Variants in LPP observed in about 807,000 individuals in gnomAD.
LPP encodes LIM domain containing preferred translocation partner in lipoma, also known as lipoma-preferred partner.
In LPP, 38 loss-of-function variants were observed where a neutral mutation model predicts 60.4. The ratio of observed to expected loss-of-function variants is 0.63; its 90% CI spans 0.49 to 0.83. The LOEUF is 0.83. LPP is among the 40% of genes least tolerant of loss of function. The pLI, the probability that LPP is intolerant of heterozygous loss-of-function variation, is 0.00. For missense variants in LPP, 902 were observed against 783.6 expected (o/e 1.15, Z -1.80); for synonymous variants, 328 against 290.8 (o/e 1.13, Z -1.30).
In LPP at chr3:188,760,255, G is replaced by C. The variant is rs760883702; in HGVS notation, c.1383G>C (p.Lys461Asn). The change falls in exon 9 of 12, where the codon AAG becomes AAC. Residue 461 changes from lysine to asparagine, a missense_variant. Coordinates refer to ENST00000617246, the MANE Select transcript of LPP (RefSeq NM_001375462.1). ...LRGQPFYAVEKKAYCEPCYIN... is the reference protein window; with the variant it reads ...LRGQPFYAVENKAYCEPCYIN... ...GGCAGCCATTCTATGCTGTGGAAAA[G>C]AAAGCATACTGCGAGCCCTGCTACA... 6.8e-6 allele frequency: 11 copies of C among 1,614,024 alleles called. No homozygotes were observed. The highest frequency in any genetic ancestry group is 8.5e-6 in the Non-Finnish European group (10 of 1,180,030).
intron 9 of LPP, among the ~76,000 whole-genome samples, chr3:188,846,592 G>C (rs1035657516): frequency 2.0e-5 from 3 of 150,684 alleles, no homozygotes; most frequent in African/African-American, 7.4e-5. Flanking sequence ...GCTGAGGCAG[G>C]AGAATTGCTT....
intron 1 of LPP, among the ~76,000 whole-genome samples, chr3:188,184,842 G>A (rs1242263377): frequency 2.6e-5 from 4 of 152,066 alleles, no homozygotes; most frequent in Admixed American, 6.5e-5. Context: ...GGTTGGGCAG[G>A]GCCTACCAGG....
intron 7 of LPP, among the ~76,000 whole-genome samples, chr3:188,696,404 G>A (rs1485528640): frequency 1.3e-5 from 2 of 151,976 alleles, no homozygotes; most frequent in Admixed American, 6.6e-5. Context: ...ATGCCGAGGC[G>A]GGCAGATCAC....
At chr3:188,203,498 TATAA>T (rs1334530313) in intron 1 of LPP, among the ~76,000 whole-genome samples, 121 of 67,438 alleles carry the variant, frequency 1.8e-3, no homozygotes, top group Non-Finnish European at 2.1e-3. Flanking sequence ...TTTAAATATA[TATAA>T]ATATATATAT....
At chr3:188,769,241 C>A (rs1334248704) in intron 9 of LPP, among the ~76,000 whole-genome samples, 1 of 152,176 alleles carries the variant, frequency 6.6e-6, no homozygotes, top group African/African-American at 2.4e-5. Flanking sequence ...AAGCCTCTCT[C>A]ACTTTAATAG....
chr3:188,849,274 C>T (rs187441037), intron 9 of LPP, among the ~76,000 whole-genome samples: 1 of 151,986 alleles, frequency 6.6e-6, no homozygotes, highest in Admixed American at 6.6e-5. Flanking sequence ...GCTGCAAGGA[C>T]GACTGGGAAA....
At chr3:188,562,249 A>C (rs1439625381) in intron 6 of LPP, 1 of 152,048 alleles carries the variant, frequency 6.6e-6, no homozygotes, top group African/African-American at 2.4e-5. Flanking sequence ...CAAGTGTACC[A>C]GCATCTTTAA....
At chr3:188,526,859 T>C (rs2150217012) in intron 6 of LPP, among the ~76,000 whole-genome samples, 1 of 152,340 alleles carries the variant, frequency 6.6e-6, no homozygotes, top group Admixed American at 6.5e-5. Context: ...GACTCCGTTG[T>C]AATCTTCTAA....
chr3:188,632,671 G>A lies in LPP; in HGVS notation c.1113+22827G>A, dbSNP rs184436951. ...CTGTGACAACATCTGAAAGAATTAA[G>A]CTTTATCCAAGTCACCAGAAAAGGG... is the stretch of plus-strand genomic sequence containing the variant. On this transcript the variant is annotated intron_variant, in intron 7 of 11. Coordinates refer to ENST00000617246, the MANE Select transcript of LPP (RefSeq NM_001375462.1). 3.2e-4 allele frequency among the ~76,000 whole-genome samples: 49 copies of A among 152,216 alleles called. No homozygotes were observed. The East Asian group carries it at 9.3e-3, about 29-fold the overall frequency.
At chr3:188,169,349 A>G (rs1302887665) in intron 1 of LPP, among the ~76,000 whole-genome samples, 2 of 152,180 alleles carry the variant, frequency 1.3e-5, no homozygotes, top group East Asian at 3.9e-4. Context: ...GCAGTGTGTA[A>G]GGCACTTAGC....
At chr3:188,547,877 A>T (rs1397930437) in intron 6 of LPP, among the ~76,000 whole-genome samples, 1 of 152,152 alleles carries the variant, frequency 6.6e-6, no homozygotes, top group Non-Finnish European at 1.5e-5. Context: ...TGGGCTCTGG[A>T]GCGTGGCTGA....
chr3:188,843,804 C>T (rs1259002943), intron 9 of LPP, among the ~76,000 whole-genome samples: 1 of 120,876 alleles, frequency 8.3e-6, no homozygotes, highest in Non-Finnish European at 1.7e-5. Flanking sequence ...AAAAATCCTT[C>T]CTCTGGGTAC....
At chr3:188,174,845 A>G (rs1426668394) in intron 1 of LPP, among the ~76,000 whole-genome samples, 2 of 152,154 alleles carry the variant, frequency 1.3e-5, no homozygotes, top group Admixed American at 1.3e-4. Context: ...CCCCCTAAGC[A>G]GGAAATCATC....
intron 8 of LPP, among the ~76,000 whole-genome samples, chr3:188,739,388 G>A (rs931066812): frequency 1.3e-5 from 2 of 152,078 alleles, no homozygotes; most frequent in Non-Finnish European, 2.9e-5. Flanking sequence ...TGTGATTGTC[G>A]TTGGTGGAAA....
At chr3:188,783,098 G>A (rs1740350522) in intron 9 of LPP, among the ~76,000 whole-genome samples, 1 of 151,998 alleles carries the variant, frequency 6.6e-6, no homozygotes, top group South Asian at 2.1e-4. Flanking sequence ...TGGCTCCATG[G>A]ATCATCCATT....
chr3:188,736,649 G>A (rs1722621203), intron 8 of LPP, among the ~76,000 whole-genome samples: 1 of 151,926 alleles, frequency 6.6e-6, no homozygotes, highest in African/African-American at 2.4e-5. Context: ...TAGATGGATG[G>A]ATGGATGGAT....
chr3:188,775,990 T>C (rs1222582401), intron 9 of LPP, among the ~76,000 whole-genome samples: 1 of 152,234 alleles, frequency 6.6e-6, no homozygotes, highest in Non-Finnish European at 1.5e-5. Context: ...AAGTGAACTA[T>C]TTGCCAGTTT....
At chr3:188,632,445 A>G (rs1209413260) in intron 7 of LPP, among the ~76,000 whole-genome samples, 1 of 152,204 alleles carries the variant, frequency 6.6e-6, no homozygotes, top group Non-Finnish European at 1.5e-5. Flanking sequence ...GGTGCTGCAC[A>G]TGGTGGGACT....
At chr3:188,414,181 A>G (rs1785568263) in intron 4 of LPP, among the ~76,000 whole-genome samples, 1 of 152,110 alleles carries the variant, frequency 6.6e-6, no homozygotes, top group African/African-American at 2.4e-5. Context: ...TATTTAATAA[A>G]TGCATTTTAT....
Sources: gnomAD v4.1 joint callset for allele counts (sites outside exome capture counted in the v4.1 genomes callset) on GRCh38, gnomAD v4.1.1 for gene constraint, MANE v1.5 for transcripts, NCBI Gene and HGNC (gene_info 2026-07-23, HGNC 2026-07-21) for gene names.